The following GLI3 variants were observed in gnomAD, a reference collection of about 807,000 sequenced individuals.
GLI3 encodes GLI family zinc finger 3, also known as transcription activator GLI3.
Under a neutral mutation model 100.8 loss-of-function variants are expected in GLI3, and 20 were observed. The ratio of observed to expected loss-of-function variants is 0.20; its 90% CI spans 0.14 to 0.29. GLI3 has a LOEUF of 0.29. GLI3 is among the 10% of genes least tolerant of loss of function. The probability of loss-of-function intolerance (pLI) is 1.00; values close to 1 mark genes in which losing one functional copy is unlikely to be tolerated. For synonymous variants in GLI3, 938 were observed against 860.5 expected (o/e 1.09, Z -1.58); for missense variants, 2,040 against 2,128.5 (o/e 0.96, Z 0.82).
At chr7:42,249,097 C>T (rs974247104) in intron 1 of GLI3, among the ~76,000 whole-genome samples, 3 of 152,140 alleles carry the variant, frequency 2.0e-5, no homozygotes, top group African/African-American at 7.2e-5. Flanking sequence ...TCCCTTTTCT[C>T]CTTCTTAATA....
At chr7:41,977,940 A>T (rs1787553265) in intron 11 of GLI3, 2 of 567,218 alleles carry the variant, frequency 3.5e-6, no homozygotes, top group Non-Finnish European at 6.2e-6. Context: ...AAAGTCCTGA[A>T]GTTTTTTTTT....
At position 42,045,460 on chromosome 7, in the gene GLI3, G is replaced by C. The variant is rs1357639489; in HGVS notation, c.750C>G (p.Pro250=). 5.0e-6 allele frequency: 8 copies of C among 1,613,882 alleles called. No individual in the cohort carries two copies. The Admixed American group carries it at 5.0e-5, about 10-fold the overall frequency. The change falls in exon 6 of 15, where the codon CCC becomes CCG. Residue 250 remains proline, a synonymous_variant. Coordinates refer to ENST00000395925, the MANE Select transcript of GLI3 (RefSeq NM_000168.6). ...CAGCTGAGGGAATAATGTCTGCATA[G>C]GGGCTGCGCTGGCCAGTTAGCAGGG... ...QMALLTGQRS[P]YADIIPSAAT...
Position 42,040,130 on chromosome 7 carries a change from C to A in GLI3, c.936G>T (p.Thr312=), listed in dbSNP as rs200965295. 3.7e-6 allele frequency: 6 copies of A among 1,613,802 alleles called. No homozygotes were observed. The Admixed American group carries it at 6.7e-5, about 18-fold the overall frequency. Residue 312 remains threonine (T), a synonymous_variant, in exon 7 of 15, where the codon ACG becomes ACT. Coordinates refer to ENST00000395925, the MANE Select transcript of GLI3 (RefSeq NM_000168.6). ...HSFDLQTMIR[T]SPNSLVTILN... is the part of the protein sequence containing the mutation. ...GAATCGTGACCAAGGAGTTGGGAGA[C>A]GTCCTTATCATGGTCTGAAGGTCAA...
upstream of GLI3, among the ~76,000 whole-genome samples, chr7:42,238,079 A>C (rs1248052296): frequency 2.2e-5 from 3 of 137,068 alleles, no homozygotes; most frequent in African/African-American, 8.4e-5. Context: ...AGACACATTC[A>C]TGCCTGCTCC....
intron 2 of GLI3, among the ~76,000 whole-genome samples, chr7:42,186,270 T>C (rs757530759): frequency 1.3e-5 from 2 of 152,172 alleles, no homozygotes; most frequent in Non-Finnish European, 2.9e-5. Flanking sequence ...ATTCTTGGCA[T>C]GGTATTATAA....
chr7:42,052,782 G>A (rs1784377719), intron 4 of GLI3, among the ~76,000 whole-genome samples: 1 of 152,130 alleles, frequency 6.6e-6, no homozygotes, highest in Non-Finnish European at 1.5e-5. Context: ...TTCCACATTA[G>A]GCTCTCGTGA....
intron 2 of GLI3, among the ~76,000 whole-genome samples, chr7:42,208,372 T>A (rs528018410): frequency 1.3e-5 from 2 of 152,268 alleles, no homozygotes; most frequent in East Asian, 3.9e-4. Context: ...AATTTCTATA[T>A]AATAAACCAT....
In GLI3 at chr7:41,972,704, T is replaced by C; in HGVS notation, c.1813-77A>G. 1 of 1,198,142 alleles carries C rather than the reference T, an allele frequency of 8.3e-7. No homozygotes were observed. Among genetic ancestry groups the C allele is most frequent in the Non-Finnish European group, 1.2e-6 (1 of 824,810 alleles). The allele number at this position is 1,198,142 out of a possible 1,614,324, so 74.2% of individuals were successfully genotyped here. ...CCCCAGCCCAAAAGTCCTTTATGGT[T>C]GCTCATTACATTTTTAATCCTTTCA... On this transcript the variant is annotated intron_variant, in intron 12 of 14. Transcript: ENST00000395925. The surrounding 1 kb of genome is among the most constrained non-coding windows in gnomAD (Gnocchi z 4.4).
At chr7:41,992,675 AAAAG>A (rs1157110276) in intron 10 of GLI3, among the ~76,000 whole-genome samples, 1 of 152,224 alleles carries the variant, frequency 6.6e-6, no homozygotes, top group Non-Finnish European at 1.5e-5. Context: ...GGGAAACAAA[AAAAG>A]AAAGTAAAGG....
intron 10 of GLI3, among the ~76,000 whole-genome samples, chr7:42,019,528 C>T (rs1300218707): frequency 6.6e-6 from 1 of 152,158 alleles, no homozygotes; most frequent in Non-Finnish European, 1.5e-5. Flanking sequence ...AACCAAATAA[C>T]ATCAGCACAA....
At chr7:42,130,761 A>T (rs1255170211) in intron 3 of GLI3, among the ~76,000 whole-genome samples, 2 of 152,234 alleles carry the variant, frequency 1.3e-5, no homozygotes, top group Non-Finnish European at 1.5e-5. Context: ...GAATCTTCAG[A>T]TTCAAATGGT....
chr7:42,208,333 G>T (rs1310705624), intron 2 of GLI3, among the ~76,000 whole-genome samples: 2 of 152,048 alleles, frequency 1.3e-5, no homozygotes, highest in African/African-American at 2.4e-5. Flanking sequence ...ATTTTTACTG[G>T]AACTCTTTCT....
intron 1 of GLI3, among the ~76,000 whole-genome samples, chr7:42,262,234 T>TTCCTTCCTTCCTTCCTTCCA (rs1789152299): frequency 6.8e-6 from 1 of 146,450 alleles, no homozygotes; most frequent in Non-Finnish European, 1.5e-5. Flanking sequence ...CTTTCCTTCC[T>TTCCTTCCTTCCTTCCTTCCA]TCCTTCCTTC....
chr7:42,022,503 G>T (rs973652430), intron 10 of GLI3, among the ~76,000 whole-genome samples: 7 of 152,204 alleles, frequency 4.6e-5, no homozygotes, highest in African/African-American at 1.7e-4. Context: ...GAGAAAAAGA[G>T]AGAGAGCAGG....
chr7:42,103,679 A>G (rs1383571360), intron 3 of GLI3, among the ~76,000 whole-genome samples: 6 of 152,162 alleles, frequency 3.9e-5, no homozygotes, highest in African/African-American at 1.4e-4. Flanking sequence ...AGTGACGTAG[A>G]TATCTGAATC....
At chr7:42,222,418 CA>C (rs2128702410) in intron 2 of GLI3, among the ~76,000 whole-genome samples, 1 of 152,244 alleles carries the variant, frequency 6.6e-6, no homozygotes, top group South Asian at 2.1e-4. Context: ...AATGGAGAAA[CA>C]GCAGGGACAG....
chr7:42,123,324 A>C (rs1786047418), intron 3 of GLI3, among the ~76,000 whole-genome samples: 1 of 152,236 alleles, frequency 6.6e-6, no homozygotes, highest in African/African-American at 2.4e-5. Flanking sequence ...TCTTGACCAA[A>C]GAGTAATGAT....
chr7:42,165,170 A>C (rs975608299), intron 2 of GLI3, among the ~76,000 whole-genome samples: 4 of 150,882 alleles, frequency 2.7e-5, no homozygotes, highest in Non-Finnish European at 5.9e-5. Context: ...AACAGAGTGA[A>C]ACTGTGTCCA....
intron 7 of GLI3, among the ~76,000 whole-genome samples, chr7:42,037,055 C>T (rs191653312): frequency 2.6e-5 from 4 of 152,240 alleles, no homozygotes; most frequent in African/African-American, 9.6e-5. Flanking sequence ...GCAGAAGAAT[C>T]GCTTGAACCT....
Sources: allele counts gnomAD v4.1 joint callset (sites outside exome capture counted in the v4.1 genomes callset), GRCh38; gene constraint gnomAD v4.1.1; non-coding constraint Gnocchi (gnomAD v3.1); transcripts MANE v1.5; gene names NCBI Gene and HGNC (gene_info 2026-07-23, HGNC 2026-07-21).